The following ATXN8OS variants were observed in gnomAD, a reference collection of about 807,000 sequenced individuals.
ATXN8OS encodes ATXN8 opposite strand (non-protein coding).
chr13:70,169,886 C>T (rs1214213772), exon 5 of ATXN8OS, among the ~76,000 whole-genome samples: 1 of 152,076 alleles, frequency 6.6e-6, no homozygotes, highest in Non-Finnish European at 1.5e-5. Context: ...AGCTCCACAC[C>T]ACCTCCTGGA....
At chr13:70,165,268 T>C (rs1889064781) in intron 4 of ATXN8OS, among the ~76,000 whole-genome samples, 1 of 151,738 alleles carries the variant, frequency 6.6e-6, no homozygotes. Context: ...ACTCCATTAA[T>C]AAGAACTTAA....
At chr13:70,161,827 G>T (rs775712072) in intron 4 of ATXN8OS, among the ~76,000 whole-genome samples, 7 of 151,770 alleles carry the variant, frequency 4.6e-5, no homozygotes, top group Non-Finnish European at 7.4e-5. Context: ...GTAGGTTATA[G>T]AATTTAATTA....
intron 4 of ATXN8OS, among the ~76,000 whole-genome samples, chr13:70,161,844 G>A (rs1253849257): frequency 6.6e-6 from 1 of 151,932 alleles, no homozygotes. Context: ...ATTAATAATA[G>A]TGTTTCAATA....
rs4053603 is a variant in ATXN8OS, at chr13:70,167,723, C to CTTTTTTT, written n.574-2010_574-2004dup. ...AATACTATCACAACATATGTAACTT[C>CTTTTTTT]TTTTTTTTTTTTTTTTTTTTTTTTT... On this transcript the variant is annotated intron_variant and non_coding_transcript_variant, in intron 4 of 4. Transcript: ENST00000678624. 3.7e-4 allele frequency among the ~76,000 whole-genome samples: 23 copies of CTTTTTTT among 61,896 alleles called. 3 individuals carry two copies. The highest frequency in any genetic ancestry group is 7.3e-4 in the African/African-American group (13 of 17,844). The allele number at this position is 61,896 out of a possible 152,430, so 40.6% of individuals were successfully genotyped here.
At chr13:70,164,124 ATAT>A (rs1889046367) in intron 4 of ATXN8OS, among the ~76,000 whole-genome samples, 2 of 149,400 alleles carry the variant, frequency 1.3e-5, no homozygotes, top group Non-Finnish European at 3.0e-5. Flanking sequence ...GAACAGGATA[ATAT>A]TAATAATAAT....
chr13:70,171,415 T>C (rs1889142713), exon 5 of ATXN8OS, among the ~76,000 whole-genome samples: 1 of 152,140 alleles, frequency 6.6e-6, no homozygotes, highest in Non-Finnish European at 1.5e-5. Flanking sequence ...TTGCTCTGGG[T>C]GAGTCACTGA....
chr13:70,114,154 T>G (rs1432716801), intron 1 of ATXN8OS, among the ~76,000 whole-genome samples: 1 of 152,182 alleles, frequency 6.6e-6, no homozygotes, highest in African/African-American at 2.4e-5. Context: ...AACTTGACAC[T>G]TAATATATTT....
chr13:70,114,938 G>C (rs1297693497), intron 1 of ATXN8OS, among the ~76,000 whole-genome samples: 2 of 152,034 alleles, frequency 1.3e-5, no homozygotes, highest in African/African-American at 4.8e-5. Context: ...TAAAGGCAGA[G>C]ATTCTCAATA....
At chr13:70,108,218 G>C (rs1043878926) in intron 1 of ATXN8OS, 2 of 393,966 alleles carry the variant, frequency 5.1e-6, no homozygotes, top group African/African-American at 2.1e-5. Flanking sequence ...CCCAAGTCTC[G>C]AGGAAGCGTA....
intron 3 of ATXN8OS, among the ~76,000 whole-genome samples, chr13:70,136,234 T>C (rs974384099): frequency 1.3e-5 from 2 of 152,146 alleles, no homozygotes; most frequent in African/African-American, 4.8e-5. Flanking sequence ...CTAAGTTAGA[T>C]TTTGGTTTAT....
rs78933866 is a variant in ATXN8OS at position 70,150,983 on chromosome 13, G to A, written n.573+3555G>A. On this transcript the variant is annotated intron_variant and non_coding_transcript_variant, in intron 4 of 4. Transcript: ENST00000678624. ...TTTTTTAAAAAACAGCTTTATCAAG[G>A]TGTGATTGATACTCAAAAATCTGCA... Among the ~76,000 whole-genome samples, 753 of 152,138 alleles carry A rather than the reference G, an allele frequency of 4.9e-3. 3 individuals are homozygous for A. The highest frequency in any genetic ancestry group is 8.9e-3 in the Non-Finnish European group (602 of 67,946).
rs572340654 is a variant in ATXN8OS at position 70,153,552 on chromosome 13, G to A, written n.573+6124G>A. On this transcript the variant is annotated intron_variant and non_coding_transcript_variant, in intron 4 of 4. Coordinates refer to ENST00000678624, the Ensembl canonical transcript of ATXN8OS. ...ATCGCACCATTGCACTCCAGCCCGGGCAACAGTGAGAGACTGCAAAAAAAT... is the reference window on the plus strand; with the variant it reads ...ATCGCACCATTGCACTCCAGCCCGGACAACAGTGAGAGACTGCAAAAAAAT... 2.6e-5 allele frequency among the ~76,000 whole-genome samples: 4 copies of A among 152,218 alleles called. No individual in the cohort carries two copies. In the East Asian group the frequency reaches 7.7e-4, roughly 29 times the overall value.
chr13:70,161,109 A>G (rs760345477), intron 4 of ATXN8OS, among the ~76,000 whole-genome samples: 23 of 151,850 alleles, frequency 1.5e-4, no homozygotes, highest in Non-Finnish European at 3.1e-4. Flanking sequence ...AAAGTAAGCC[A>G]GTAAACTAAA....
chr13:70,135,755 T>C (rs937691263), intron 3 of ATXN8OS, among the ~76,000 whole-genome samples: 3 of 152,210 alleles, frequency 2.0e-5, no homozygotes, highest in African/African-American at 4.8e-5. Context: ...ACTATTAAGA[T>C]TCTTCTGTCA....
chr13:70,147,375 C>T (rs663953), exon 4 of ATXN8OS, among the ~76,000 whole-genome samples: 107,090 of 151,920 alleles, frequency 0.7, 37,922 homozygotes, highest in African/African-American at 0.75. Context: ...GGATAAAGTG[C>T]GAAGGAGCTT....
At chr13:70,132,516 G>A (rs1323009494) in intron 3 of ATXN8OS, among the ~76,000 whole-genome samples, 5 of 151,824 alleles carry the variant, frequency 3.3e-5, no homozygotes, top group Admixed American at 2.6e-4. Flanking sequence ...TGGGTACTAC[G>A]CTCACCTCCT....
intron 4 of ATXN8OS, among the ~76,000 whole-genome samples, chr13:70,160,993 C>T (rs1331617680): frequency 1.3e-5 from 2 of 151,008 alleles, no homozygotes; most frequent in East Asian, 1.9e-4. Flanking sequence ...GTTATTATGA[C>T]ATATCGAGAC....
chr13:70,110,730 A>G (rs981672786), intron 1 of ATXN8OS, among the ~76,000 whole-genome samples: 1 of 152,148 alleles, frequency 6.6e-6, no homozygotes, highest in Non-Finnish European at 1.5e-5. Flanking sequence ...TTATTCAAAA[A>G]TAAAAAACTT....
intron 4 of ATXN8OS, among the ~76,000 whole-genome samples, chr13:70,155,042 A>G (rs1310738055): frequency 6.6e-6 from 1 of 152,180 alleles, no homozygotes; most frequent in African/African-American, 2.4e-5. Context: ...AAAGTCAAGT[A>G]CTGTCTTTGT....
Sources: allele counts gnomAD v4.1 joint callset (sites outside exome capture counted in the v4.1 genomes callset), GRCh38; gene constraint gnomAD v4.1.1; transcripts MANE v1.5; gene names NCBI Gene and HGNC (gene_info 2026-07-23, HGNC 2026-07-21).